SMCHD1: variants seen among roughly 807,000 people sequenced by gnomAD.
SMCHD1 encodes the protein structural maintenance of chromosomes flexible hinge domain-containing protein 1.
SMCHD1 carries 78 observed loss-of-function variants against 254.7 expected under a neutral mutation model. That is an observed-to-expected ratio of 0.31 (90% CI 0.26 to 0.37). The LOEUF is 0.37. Among genes scored for constraint, SMCHD1 ranks in the 10% least tolerant of loss-of-function variants. The pLI is 1.00. For missense variants in SMCHD1, 1,840 were observed against 2,408.1 expected (o/e 0.76, Z 4.94); for synonymous variants, 766 against 794.9 (o/e 0.96, Z 0.61).
chr18:2,795,036 TGG>T (rs67693274), intron 45 of SMCHD1, among the ~76,000 whole-genome samples: 43,175 of 150,828 alleles, frequency 0.29, 6,405 homozygotes, highest in East Asian at 0.49. Flanking sequence ...TAAAAAATTC[TGG>T]GTTTTTTTTT....
rs768823496 is a variant in SMCHD1, at chr18:2,760,668, A to C, written c.4363A>C (p.Asn1455His). Residue 1455 changes from asparagine (N) to histidine (H), a missense_variant, in exon 35 of 48, where the codon AAT (asparagine) becomes CAT (histidine). Asn to His is a moderately conservative substitution (Grantham distance 68). Around this residue, in one of 9 missense-constraint regions of SMCHD1, gnomAD observed 881 missense variants for 1,009.5 expected, o/e 0.87. Coordinates refer to ENST00000320876, the MANE Select transcript of SMCHD1 (RefSeq NM_015295.3). Reference protein sequence around the residue: ...CFYFRDKVIPNKVGTYCIQFG... With the variant: ...CFYFRDKVIPHKVGTYCIQFG... ...TAAATTTAGGGATAAAGTAATTCCTAATAAAGTGGGGACATATTGTATCCA... is the reference window on the plus strand; with the variant it reads ...TAAATTTAGGGATAAAGTAATTCCTCATAAAGTGGGGACATATTGTATCCA... 4 of 1,566,108 alleles carry C rather than the reference A, an allele frequency of 2.6e-6. No homozygotes were observed. The highest frequency in any genetic ancestry group is 3.5e-6 in the Non-Finnish European group (4 of 1,137,010).
chr18:2,747,616 A>G lies in SMCHD1; in HGVS notation c.3896A>G (p.Lys1299Arg). 1 of 1,603,662 alleles carries G rather than the reference A, an allele frequency of 6.2e-7. No individual in the cohort carries two copies. The highest frequency in any genetic ancestry group is 8.5e-7 in the Non-Finnish European group (1 of 1,174,262). ...WDNPAPVQHV[K>R]ISLTKASNLK... Reference sequence around the variant, plus strand: ...AATCCAGCACCGGTACAACATGTTAAAATAAGTCTTACAAAAGCTAGCAAT... The same window carrying G: ...AATCCAGCACCGGTACAACATGTTAGAATAAGTCTTACAAAAGCTAGCAAT... The change falls in exon 30 of 48, where the codon AAA becomes AGA. Residue 1299 changes from lysine (K) to arginine (R), a missense_variant. By Grantham distance (26) the Lys-to-Arg change is conservative (BLOSUM62 2). Coordinates refer to ENST00000320876, the MANE Select transcript of SMCHD1 (RefSeq NM_015295.3).
At chr18:2,684,249 GAT>G (rs1210945095) in intron 5 of SMCHD1, among the ~76,000 whole-genome samples, 4 of 151,864 alleles carry the variant, frequency 2.6e-5, no homozygotes, top group African/African-American at 9.7e-5. Context: ...AACAATACTG[GAT>G]ATTATTACGT....
intron 5 of SMCHD1, among the ~76,000 whole-genome samples, chr18:2,683,670 C>T (rs2073978555): frequency 6.6e-6 from 1 of 152,094 alleles, no homozygotes; most frequent in East Asian, 1.9e-4. Flanking sequence ...TATATCCTTG[C>T]TGGATTTTCT....
chr18:2,693,992 A>G (rs1382039224), intron 7 of SMCHD1, among the ~76,000 whole-genome samples: 1 of 152,140 alleles, frequency 6.6e-6, no homozygotes, highest in Admixed American at 6.6e-5. Flanking sequence ...TTATCCTCAA[A>G]TTCCCCTACT....
intron 41 of SMCHD1, among the ~76,000 whole-genome samples, chr18:2,773,253 T>TTTAAA (rs1408900268): frequency 6.6e-6 from 1 of 152,216 alleles, no homozygotes; most frequent in Non-Finnish European, 1.5e-5. Flanking sequence ...AAGTTGCTAA[T>TTTAAA]ATACAATGTT....
chr18:2,751,344 C>T lies in SMCHD1; in HGVS notation c.4232C>T (p.Ser1411Phe). The change falls in exon 33 of 48, where the codon TCC becomes TTC. Residue 1411 changes from serine (S) to phenylalanine (F), a missense_variant. By Grantham distance (155) the Ser-to-Phe change is radical (BLOSUM62 -2). This residue lies in a region of SMCHD1 where 881 missense variants were observed against 1,009.5 expected (regional missense o/e 0.87). Transcript: ENST00000320876. The part of the protein sequence containing the change: ...IIKNINPARI[S>F]MKMWKLSTSG... ...AAAAACATTAATCCAGCACGTATTTCCATGAAAATGTGGAAGCTGTCTACC... is the reference window on the plus strand; with the variant it reads ...AAAAACATTAATCCAGCACGTATTTTCATGAAAATGTGGAAGCTGTCTACC... The T allele has an allele frequency of 6.3e-7, 1 of 1,579,126 alleles. No homozygotes were observed. The highest frequency in any genetic ancestry group is 8.6e-7 in the Non-Finnish European group (1 of 1,168,408).
chr18:2,706,388 G>A lies in SMCHD1; in HGVS notation c.1981G>A (p.Val661Ile), dbSNP rs1166492993. 1.3e-6 allele frequency: 2 copies of A among 1,587,438 alleles called. No homozygotes were observed. Among genetic ancestry groups the A allele is most frequent in the African/African-American group, 2.7e-5 (2 of 74,400 alleles). The change falls in exon 15 of 48, where the codon GTA becomes ATA. Residue 661 changes from valine (V) to isoleucine (I), a missense_variant. Val to Ile is a conservative substitution (Grantham distance 29). Transcript: ENST00000320876. The part of the protein sequence containing the change: ...AMEPQALYDE[V>I]RTVPIAKLDR... The stretch of plus-strand genomic sequence containing the variant: ...GGAACCTCAGGCACTATATGATGAA[G>A]TAAGAACTGTGCCAATTGCAAAGCT...
At chr18:2,767,036 T>G (rs1161049872) in intron 37 of SMCHD1, among the ~76,000 whole-genome samples, 2 of 152,148 alleles carry the variant, frequency 1.3e-5, no homozygotes, top group Admixed American at 1.3e-4. Flanking sequence ...AAGGTAGGAT[T>G]GCTGGAGCCC....
intron 44 of SMCHD1, among the ~76,000 whole-genome samples, chr18:2,782,268 T>C (rs558787147): frequency 1.3e-5 from 2 of 152,300 alleles, no homozygotes; most frequent in South Asian, 2.1e-4. Context: ...GTCCTAATAG[T>C]GTACTTAGTG....
chr18:2,743,724 T>TA, intron 28 of SMCHD1, 37 bp from the exon 29 acceptor site: 2 of 1,498,370 alleles, frequency 1.3e-6, no homozygotes, highest in East Asian at 2.3e-5. Flanking sequence ...CACTAAGTGA[T>TA]ACCCCCTGTC....
At chr18:2,780,580 G>A (rs1221448175) in intron 44 of SMCHD1, among the ~76,000 whole-genome samples, 5 of 152,136 alleles carry the variant, frequency 3.3e-5, no homozygotes, top group African/African-American at 4.8e-5. Context: ...GATGGTAACC[G>A]GAAGACTCCT....
chr18:2,713,941 A>G (rs1299935010), intron 17 of SMCHD1, among the ~76,000 whole-genome samples: 1 of 152,260 alleles, frequency 6.6e-6, no homozygotes, highest in Admixed American at 6.5e-5. Flanking sequence ...AAGAATGTAT[A>G]TTCCGCAGAA....
rs1009916927 is a variant in SMCHD1 at position 2,761,880 on chromosome 18, A to G, written c.4435-225A>G. On this transcript the variant is annotated intron_variant, in intron 35 of 47. Transcript: ENST00000320876. ...ATTACCTATGTTTTTTAATACCTCTAAGTTTGTTCTTAGATGGCTGTAAAC... is the reference window on the plus strand; with the variant it reads ...ATTACCTATGTTTTTTAATACCTCTGAGTTTGTTCTTAGATGGCTGTAAAC... Among the ~76,000 whole-genome samples, 11 of 152,152 alleles carry G rather than the reference A, an allele frequency of 7.2e-5. 1 individual carries two copies. The highest frequency in any genetic ancestry group is 1.3e-4 in the Non-Finnish European group (9 of 68,008).
intron 30 of SMCHD1, among the ~76,000 whole-genome samples, chr18:2,748,128 A>C (rs979027982): frequency 1.3e-5 from 2 of 152,186 alleles, no homozygotes; most frequent in Non-Finnish European, 2.9e-5. Flanking sequence ...GATATATTTT[A>C]GGGTGAGGCT....
At chr18:2,768,337 G>A (rs1198220530) in intron 37 of SMCHD1, among the ~76,000 whole-genome samples, 1 of 151,698 alleles carries the variant, frequency 6.6e-6, no homozygotes, top group Admixed American at 6.6e-5. Flanking sequence ...CCCCTTTTTA[G>A]AAAAAAATAT....
intron 46 of SMCHD1, 125 bp from the exon 47 acceptor site, chr18:2,796,282 A>G: frequency 1.2e-6 from 1 of 832,566 alleles, no homozygotes; most frequent in East Asian, 2.7e-5. Flanking sequence ...CACCAGAAGT[A>G]ATAGGCATTC....
At chr18:2,742,637 T>C (rs993250337) in intron 28 of SMCHD1, among the ~76,000 whole-genome samples, 3 of 152,194 alleles carry the variant, frequency 2.0e-5, no homozygotes, top group African/African-American at 7.2e-5. Context: ...CAGATCATTG[T>C]TTGAGAACAT....
chr18:2,731,291 T>C (rs1211126261), intron 24 of SMCHD1, among the ~76,000 whole-genome samples: 3 of 152,242 alleles, frequency 2.0e-5, no homozygotes, highest in Admixed American at 2.0e-4. Context: ...ATTTTAAATT[T>C]AGTGTGTGCT....
Sources: allele counts gnomAD v4.1 joint callset (sites outside exome capture counted in the v4.1 genomes callset), GRCh38; gene constraint gnomAD v4.1.1; regional missense constraint gnomAD v4.1.1; transcripts MANE v1.5; gene names NCBI Gene and HGNC (gene_info 2026-07-23, HGNC 2026-07-21).